Variants in CYFIP1 observed in about 807,000 individuals in gnomAD.
The protein encoded by CYFIP1 is cytoplasmic FMR1-interacting protein 1.
In CYFIP1, 58 loss-of-function variants were observed where a neutral mutation model predicts 163.5. The observed-to-expected ratio is 0.35, with a 90% CI of 0.29 to 0.44. The LOEUF is 0.44. Among genes scored for constraint, CYFIP1 ranks in the 20% least tolerant of loss-of-function variants. The pLI is 1.00. For missense variants in CYFIP1, 1,338 were observed against 1,653.8 expected (o/e 0.81, Z 3.31); for synonymous variants, 663 against 660.7 (o/e 1.00, Z -0.05).
At chr15:22,952,339 G>A (rs574388185) in intron 1 of CYFIP1, among the ~76,000 whole-genome samples, 8 of 152,088 alleles carry the variant, frequency 5.3e-5, no homozygotes, top group Admixed American at 2.0e-4. Context: ...TGTACTTAAC[G>A]CCACTGAGCT....
rs1427407708 is a variant in CYFIP1, at chr15:22,933,867, C to G, written c.927G>C (p.Gly309=). 1.9e-6 allele frequency: 3 copies of G among 1,612,520 alleles called. No homozygotes were observed. The Admixed American group carries it at 5.0e-5, about 27-fold the overall frequency. ...FKQLQVVPLF[G]DMQIELARYI... ...ATCTTGCCAGTTCTATTTGCATGTC[C>G]CCAAATAGCGGAACCACCTGGAGTT... Residue 309 remains glycine, a synonymous_variant, in exon 10 of 31, where the codon GGG becomes GGC. Transcript: ENST00000617928.
chr15:22,879,933 G>C lies in CYFIP1; in HGVS notation c.3022C>G (p.Leu1008Val), dbSNP rs1385114266. 5.6e-6 allele frequency: 9 copies of C among 1,612,866 alleles called. No individual in the cohort carries two copies. Among genetic ancestry groups the C allele is most frequent in the Non-Finnish European group, 7.6e-6 (9 of 1,179,946 alleles). ...REVGNAILFCLLIEQSLSLEE... is the reference protein window; with the variant it reads ...REVGNAILFCVLIEQSLSLEE... ...CTCACCAGGCTCTGCTCGATGAGCAGGCAGAAGAGGATGGCGTTCCCCACC... is the reference window on the plus strand; with the variant it reads ...CTCACCAGGCTCTGCTCGATGAGCACGCAGAAGAGGATGGCGTTCCCCACC... Residue 1008 changes from leucine (L) to valine (V), a missense_variant, in exon 26 of 31, where the codon CTG (leucine) becomes GTG (valine). Leu to Val is a conservative substitution (Grantham distance 32). Transcript: ENST00000617928.
intron 1 of CYFIP1, among the ~76,000 whole-genome samples, chr15:22,978,352 C>CAAAAAAAAAAAAAAAA (rs397976366): frequency 3.8e-5 from 2 of 52,762 alleles, no homozygotes; most frequent in African/African-American, 6.6e-5. Context: ...GACTCTGTCA[C>CAAAAAAAAAAAAAAAA]AAAAAAAAAA....
intron 23 of CYFIP1, among the ~76,000 whole-genome samples, chr15:22,888,837 T>C (rs957746263): frequency 6.6e-6 from 1 of 151,866 alleles, no homozygotes; most frequent in Admixed American, 6.5e-5. Flanking sequence ...GGTCAGGAGT[T>C]CGAGACCAGC....
rs59375258 is a variant in CYFIP1, at chr15:22,873,823, G to C, written c.3211-94C>G. On this transcript the variant is annotated intron_variant, in intron 28 of 30. Coordinates refer to ENST00000617928, the MANE Select transcript of CYFIP1 (RefSeq NM_014608.6). Reference sequence around the variant, plus strand: ...CTCTTTTCTCTTGAGACAGGGTCTTGCTCTGCTGCCTAGGCTGGAGTGCAG... The same window carrying C: ...CTCTTTTCTCTTGAGACAGGGTCTTCCTCTGCTGCCTAGGCTGGAGTGCAG... 7.4e-3 allele frequency: 8,513 copies of C among 1,157,990 alleles called. 455 individuals carry two copies. The African/African-American group carries it at 0.11, about 16-fold the overall frequency. 71.7% of individuals were successfully genotyped at this position (1,157,990 alleles called of 1,614,324 possible).
intron 20 of CYFIP1, among the ~76,000 whole-genome samples, chr15:22,909,654 A>AT (rs1415585044): frequency 3.3e-5 from 5 of 151,686 alleles, no homozygotes; most frequent in East Asian, 1.9e-4. Flanking sequence ...ATTAAATGCA[A>AT]TTTTTTTTAG....
At chr15:22,887,448 T>G (rs2059955783) in intron 23 of CYFIP1, among the ~76,000 whole-genome samples, 1 of 152,228 alleles carries the variant, frequency 6.6e-6, no homozygotes, top group Middle Eastern at 3.2e-3. Flanking sequence ...TGTAATATTT[T>G]TGGTTGATAA....
At chr15:22,957,733 C>T (rs775955811) in intron 1 of CYFIP1, among the ~76,000 whole-genome samples, 1 of 152,240 alleles carries the variant, frequency 6.6e-6, no homozygotes, top group Non-Finnish European at 1.5e-5. Flanking sequence ...TGCAAACGTG[C>T]ACAAGGCATG....
chr15:22,949,898 A>T (rs2062192995), intron 1 of CYFIP1, among the ~76,000 whole-genome samples: 1 of 151,982 alleles, frequency 6.6e-6, no homozygotes, highest in African/African-American at 2.4e-5. Context: ...GGAGGCTGAG[A>T]AGGGAGGATC....
intron 3 of CYFIP1, 46 bp from the exon 4 acceptor site, chr15:22,944,985 C>T: frequency 6.5e-7 from 1 of 1,547,552 alleles, no homozygotes; most frequent in Non-Finnish European, 8.9e-7. Context: ...GGGGAACTAG[C>T]ATGAAAAGCA....
intron 1 of CYFIP1, among the ~76,000 whole-genome samples, chr15:22,952,881 C>T (rs1265750026): frequency 6.6e-6 from 1 of 152,192 alleles, no homozygotes; most frequent in Non-Finnish European, 1.5e-5. Flanking sequence ...CACAAAATTT[C>T]TCAAGTCATC....
chr15:22,914,036 C>T (rs539800812), intron 17 of CYFIP1, among the ~76,000 whole-genome samples: 24 of 152,332 alleles, frequency 1.6e-4, no homozygotes, highest in African/African-American at 5.8e-4. Flanking sequence ...AACACTTTCC[C>T]TTCCATGAAC....
intron 23 of CYFIP1, among the ~76,000 whole-genome samples, chr15:22,884,977 G>A (rs999609986): frequency 2.1e-5 from 3 of 142,746 alleles, no homozygotes; most frequent in African/African-American, 7.7e-5. Context: ...GTGGGGTGGG[G>A]AGGTGGGGGA....
At chr15:22,970,390 T>C (rs370869108) in intron 1 of CYFIP1, among the ~76,000 whole-genome samples, 8 of 152,308 alleles carry the variant, frequency 5.3e-5, no homozygotes, top group African/African-American at 1.9e-4. Flanking sequence ...AAAGACTCAA[T>C]GCAATCCCTT....
At chr15:22,962,401 C>A (rs1363311929) in intron 1 of CYFIP1, among the ~76,000 whole-genome samples, 1 of 142,752 alleles carries the variant, frequency 7.0e-6, no homozygotes, top group South Asian at 2.2e-4. Flanking sequence ...TCTTTTTTTT[C>A]TTTTTTTTTT....
chr15:22,927,795 T>A (rs1409675797), intron 12 of CYFIP1, 111 bp downstream of exon 12: 3 of 1,072,112 alleles, frequency 2.8e-6, no homozygotes, highest in Non-Finnish European at 2.6e-6. Context: ...TACTGATAGA[T>A]ATTCTCGTCT....
intron 30 of CYFIP1, among the ~76,000 whole-genome samples, chr15:22,872,190 G>A (rs975739953): frequency 6.6e-6 from 1 of 151,696 alleles, no homozygotes; most frequent in Non-Finnish European, 1.5e-5. Context: ...AGCTACTCGG[G>A]AGGCTGAGGC....
chr15:22,948,315 A>C (rs942204487), intron 1 of CYFIP1, among the ~76,000 whole-genome samples: 1 of 151,820 alleles, frequency 6.6e-6, no homozygotes, highest in Non-Finnish European at 1.5e-5. Context: ...TCACACCCCA[A>C]ACCCTGAGAC....
intron 29 of CYFIP1, 152 bp downstream of exon 29, chr15:22,873,339 G>T: frequency 3.1e-6 from 2 of 652,896 alleles, no homozygotes; most frequent in East Asian, 2.7e-5. Context: ...CATCAAGTAA[G>T]AATCCCCACT....
Sources: gnomAD v4.1 joint callset for allele counts (sites outside exome capture counted in the v4.1 genomes callset) on GRCh38, gnomAD v4.1.1 for gene constraint, MANE v1.5 for transcripts, NCBI Gene and HGNC (gene_info 2026-07-23, HGNC 2026-07-21) for gene names.